SIPA1L1: variants seen among roughly 807,000 people sequenced by gnomAD.
SIPA1L1 encodes the protein signal induced proliferation associated 1 like 1.
Under a neutral mutation model 162.7 loss-of-function variants are expected in SIPA1L1, and 26 were observed. That is an observed-to-expected ratio of 0.16 (90% CI 0.12 to 0.22). The LOEUF (loss-of-function observed/expected upper bound fraction) is 0.22. SIPA1L1 is among the 10% of genes least tolerant of loss of function. The pLI is 1.00. For synonymous variants in SIPA1L1, 829 were observed against 837.4 expected, an observed-to-expected ratio of 0.99 and a Z score of 0.17; for missense variants, 1,874 against 2,241.0, an observed-to-expected ratio of 0.84 and a Z score of 3.31.
chr14:71,590,265 C>T (rs1023946531), intron 5 of SIPA1L1, among the ~76,000 whole-genome samples: 1 of 151,720 alleles, frequency 6.6e-6, no homozygotes, highest in Non-Finnish European at 1.5e-5. Flanking sequence ...GGTAGACAAA[C>T]GAGGAAACAG....
rs753297200 is a variant in SIPA1L1, at chr14:71,588,306, C to T, written c.434C>T (p.Pro145Leu). 23 of 1,613,680 alleles carry T rather than the reference C, an allele frequency of 1.4e-5. No individual in the cohort carries two copies. Among genetic ancestry groups the T allele is most frequent in the East Asian group, 1.1e-4 (5 of 44,868 alleles). The change falls in exon 5 of 24, where the codon CCG becomes CTG. Residue 145 changes from proline to leucine, a missense_variant. Physicochemically the swap from Pro to Leu is moderately conservative, Grantham distance 98. Around this residue, in one of 5 missense-constraint regions of SIPA1L1, gnomAD observed 685 missense variants for 828.0 expected, o/e 0.83. Coordinates refer to ENST00000381232, the MANE Select transcript of SIPA1L1 (RefSeq NM_001386936.1). The surrounding 1 kb of genome is among the most constrained non-coding windows in gnomAD (Gnocchi z 4.3). ...AACACGCTGAAAAACAAGACAAGAC[C>T]GTCGGAGAACATGGACTCCAGATTT... Reference protein sequence around the residue: ...IQNTLKNKTRPSENMDSRFLM... With the variant: ...IQNTLKNKTRLSENMDSRFLM...
rs775409243 is a variant in SIPA1L1 at position 71,557,606 on chromosome 14, C to T, written c.-303+28236C>T. Among the ~76,000 whole-genome samples, 4 of 152,032 alleles carry T rather than the reference C, an allele frequency of 2.6e-5. No individual in the cohort carries two copies. The East Asian group carries it at 5.8e-4, about 22-fold the overall frequency. ...ATCTGTGGTTCTGTTACATTTGGAT[C>T]GTTGCGAAAGTACCTTATTGAATAC... is the stretch of plus-strand genomic sequence containing the variant. On this transcript the variant is annotated intron_variant, in intron 4 of 23. Coordinates refer to ENST00000381232, the MANE Select transcript of SIPA1L1 (RefSeq NM_001386936.1).
chr14:71,429,977 A>G (rs2043860060), intron 2 of SIPA1L1, among the ~76,000 whole-genome samples: 3 of 152,202 alleles, frequency 2.0e-5, no homozygotes, highest in Non-Finnish European at 2.9e-5. Flanking sequence ...TTGTTTTACA[A>G]TCTGTGCATT....
At chr14:71,698,634 A>T (rs940313294) in intron 13 of SIPA1L1, among the ~76,000 whole-genome samples, 1 of 152,232 alleles carries the variant, frequency 6.6e-6, no homozygotes, top group African/African-American at 2.4e-5. Context: ...TGCTATGTTA[A>T]TGTCACTTGG....
chr14:71,699,512 A>T (rs980404924), intron 14 of SIPA1L1, among the ~76,000 whole-genome samples: 12 of 152,224 alleles, frequency 7.9e-5, no homozygotes, highest in African/African-American at 2.9e-4. Context: ...TTTAAAAGAC[A>T]TAGGGCGTGT....
At chr14:71,697,796 G>C (rs1332293364) in intron 13 of SIPA1L1, among the ~76,000 whole-genome samples, 1 of 152,182 alleles carries the variant, frequency 6.6e-6, no homozygotes, top group Non-Finnish European at 1.5e-5. Flanking sequence ...AGATAAATAG[G>C]TTCACTGTGG....
chr14:71,414,433 GA>G (rs2042617450), intron 2 of SIPA1L1, among the ~76,000 whole-genome samples: 1 of 152,138 alleles, frequency 6.6e-6, no homozygotes, highest in African/African-American at 2.4e-5. Flanking sequence ...CTTTATAGCA[GA>G]ATTTTGATTT....
rs1480094771 is a variant in SIPA1L1, at chr14:71,403,684, T to C, written c.-465+82503T>C. Among the ~76,000 whole-genome samples the C allele has an allele frequency of 2.0e-5, 3 of 152,242 alleles. No individual in the cohort carries two copies. In the East Asian group the frequency reaches 5.8e-4, roughly 29 times the overall value. On this transcript the variant is annotated intron_variant, in intron 2 of 23. Transcript: ENST00000381232. ...AAAATGGCTATCCTTTTTATCAATT[T>C]ATACTTCAGTGTTAGATCATAGAAG...
intron 2 of SIPA1L1, among the ~76,000 whole-genome samples, chr14:71,441,155 G>A (rs1654069374): frequency 6.6e-6 from 1 of 152,154 alleles, no homozygotes; most frequent in South Asian, 2.1e-4. Context: ...TGAGGTGACT[G>A]GAAACATGGT....
intron 13 of SIPA1L1, among the ~76,000 whole-genome samples, chr14:71,697,152 G>A (rs2081699095): frequency 6.6e-6 from 1 of 152,138 alleles, no homozygotes; most frequent in African/African-American, 2.4e-5. Flanking sequence ...GGAAGAGGGT[G>A]GGTTGGGGCT....
chr14:71,623,686 G>C (rs530357267), intron 6 of SIPA1L1, among the ~76,000 whole-genome samples: 16 of 152,190 alleles, frequency 1.1e-4, no homozygotes, highest in Non-Finnish European at 2.9e-5. Flanking sequence ...CATTGCTCTG[G>C]GGTTCTGCCT....
At position 71,396,122 on chromosome 14, in the gene SIPA1L1, T is replaced by TA. The variant is rs1023168776; in HGVS notation, c.-465+74952dup. On this transcript the variant is annotated intron_variant, in intron 2 of 23. Transcript: ENST00000381232. ...TTCTGTATGCATGGTCCAGATCATT[T>TA]AAAAAAAAAAATCCTTCCGCCATCT... Among the ~76,000 whole-genome samples the TA allele has an allele frequency of 2.0e-3, 294 of 148,362 alleles. 1 individual carries two copies. Among genetic ancestry groups the TA allele is most frequent in the Middle Eastern group, 3.5e-3 (1 of 286 alleles).
intron 4 of SIPA1L1, among the ~76,000 whole-genome samples, chr14:71,582,891 C>T (rs2034130734): frequency 6.6e-6 from 1 of 152,154 alleles, no homozygotes; most frequent in Non-Finnish European, 1.5e-5. Flanking sequence ...TGACATTGCA[C>T]TAAGATGTGT....
chr14:71,461,337 A>G (rs1595579465), intron 2 of SIPA1L1, among the ~76,000 whole-genome samples: 2 of 152,290 alleles, frequency 1.3e-5, no homozygotes, highest in African/African-American at 4.8e-5. Flanking sequence ...GTGGAAGTCC[A>G]TGTTGTTGAG....
chr14:71,398,056 C>T (rs1466792397), intron 2 of SIPA1L1, among the ~76,000 whole-genome samples: 1 of 109,940 alleles, frequency 9.1e-6, no homozygotes, highest in Non-Finnish European at 1.7e-5. Flanking sequence ...CGCTCTTTTG[C>T]TCAGGCCGGA....
chr14:71,521,253 G>A (rs2052325451), intron 3 of SIPA1L1, among the ~76,000 whole-genome samples: 1 of 152,158 alleles, frequency 6.6e-6, no homozygotes. Context: ...ATTAATATAA[G>A]TTTTACGTGA....
Position 71,497,192 on chromosome 14 carries a change from C to CA in SIPA1L1, c.-464-15542dup, listed in dbSNP as rs71105783. Reference sequence around the variant, plus strand: ...CTCAAAAAACAAACAAACAAAAAAACAAAAAAAAAGATCCTACAGTTTTAT... The same window carrying CA: ...CTCAAAAAACAAACAAACAAAAAAACAAAAAAAAAAGATCCTACAGTTTTAT... On this transcript the variant is annotated intron_variant, in intron 2 of 23. Coordinates refer to ENST00000381232, the MANE Select transcript of SIPA1L1 (RefSeq NM_001386936.1). Among the ~76,000 whole-genome samples, 62 of 150,390 alleles carry CA rather than the reference C, an allele frequency of 4.1e-4. 1 individual carries two copies. Among genetic ancestry groups the CA allele is most frequent in the Non-Finnish European group, 6.4e-4 (43 of 67,526 alleles).
At chr14:71,531,175 G>A (rs1162299337) in intron 4 of SIPA1L1, among the ~76,000 whole-genome samples, 1 of 152,080 alleles carries the variant, frequency 6.6e-6, no homozygotes, top group Non-Finnish European at 1.5e-5. Flanking sequence ...CATTAATGAG[G>A]TTTTCAGAGT....
chr14:71,409,344 T>G (rs1007229905), intron 2 of SIPA1L1, among the ~76,000 whole-genome samples: 1 of 152,104 alleles, frequency 6.6e-6, no homozygotes, highest in African/African-American at 2.4e-5. Context: ...TCTAAAACTT[T>G]TTGTTTTGCC....
Sources: gnomAD v4.1 joint callset for allele counts (sites outside exome capture counted in the v4.1 genomes callset) on GRCh38, gnomAD v4.1.1 for gene constraint, gnomAD v4.1.1 regional missense constraint, Gnocchi (gnomAD v3.1) non-coding constraint, MANE v1.5 for transcripts, NCBI Gene and HGNC (gene_info 2026-07-23, HGNC 2026-07-21) for gene names.